The following SLC9A9 variants were observed in gnomAD, a reference collection of about 807,000 sequenced individuals.
SLC9A9 encodes solute carrier family 9 member A9, also known as sodium/hydrogen exchanger 9.
A neutral mutation model predicts 77.8 loss-of-function variants in SLC9A9; 62 were observed. The observed-to-expected ratio is 0.80, with a 90% confidence interval of 0.65 to 0.98. The LOEUF is 0.98. Among genes scored for constraint, SLC9A9 ranks in the 50% least tolerant of loss-of-function variants. The pLI is 0.00. For missense variants in SLC9A9, 775 were observed against 774.9 expected (o/e 1.00, Z 0.00); for synonymous variants, 320 against 283.5 (o/e 1.13, Z -1.29).
intron 9 of SLC9A9, among the ~76,000 whole-genome samples, chr3:143,543,011 A>G (rs538385076): frequency 3.3e-5 from 5 of 152,372 alleles, no homozygotes; most frequent in African/African-American, 1.2e-4. Flanking sequence ...GTCACTTACC[A>G]TGTTTTCTCA....
intron 6 of SLC9A9, among the ~76,000 whole-genome samples, 167 bp downstream of exon 6, chr3:143,652,088 A>G (rs1229560551): frequency 6.6e-6 from 1 of 152,230 alleles, no homozygotes; most frequent in Non-Finnish European, 1.5e-5. Flanking sequence ...TAATAGTATT[A>G]GAAATTAGAT....
At chr3:143,646,428 T>C (rs991200607) in intron 6 of SLC9A9, among the ~76,000 whole-genome samples, 1 of 148,782 alleles carries the variant, frequency 6.7e-6, no homozygotes, top group Admixed American at 6.7e-5. Context: ...TAGATCTTAT[T>C]ATATATTAAA....
chr3:143,664,610 G>A (rs574594334), intron 5 of SLC9A9, among the ~76,000 whole-genome samples: 3 of 152,268 alleles, frequency 2.0e-5, no homozygotes, highest in Admixed American at 2.0e-4. Flanking sequence ...ACACACATAG[G>A]CTCAAAATAA....
intron 14 of SLC9A9, among the ~76,000 whole-genome samples, chr3:143,330,971 C>T (rs533751299): frequency 1.3e-5 from 2 of 152,284 alleles, no homozygotes; most frequent in African/African-American, 2.4e-5. Context: ...CACAAGGAAT[C>T]GAGAAATCTT....
chr3:143,677,107 C>T (rs994589730), intron 5 of SLC9A9, among the ~76,000 whole-genome samples: 2 of 152,094 alleles, frequency 1.3e-5, no homozygotes, highest in East Asian at 3.9e-4. Flanking sequence ...ACTCACAAAC[C>T]AAATATTTTT....
chr3:143,707,870 T>G (rs1934028141), intron 4 of SLC9A9, among the ~76,000 whole-genome samples: 1 of 152,046 alleles, frequency 6.6e-6, no homozygotes, highest in African/African-American at 2.4e-5. Context: ...CCTGAGACAT[T>G]TAGAACAAAG....
chr3:143,548,101 T>C (rs868818324), intron 9 of SLC9A9, among the ~76,000 whole-genome samples: 17 of 152,362 alleles, frequency 1.1e-4, no homozygotes, highest in South Asian at 2.1e-4. Flanking sequence ...ATTATTTACA[T>C]TCATTTCATC....
intron 9 of SLC9A9, among the ~76,000 whole-genome samples, chr3:143,509,662 T>C (rs1418937262): frequency 6.6e-6 from 1 of 152,188 alleles, no homozygotes; most frequent in Non-Finnish European, 1.5e-5. Context: ...TGGTTTGGGG[T>C]CAATTTTGTT....
chr3:143,676,515 G>T (rs1932894468), intron 5 of SLC9A9, among the ~76,000 whole-genome samples: 1 of 152,080 alleles, frequency 6.6e-6, no homozygotes. Flanking sequence ...GAGGAGGGCG[G>T]ATCATGAGGT....
chr3:143,355,789 G>A (rs141145662), intron 14 of SLC9A9, among the ~76,000 whole-genome samples: 136 of 152,300 alleles, frequency 8.9e-4, no homozygotes, highest in Middle Eastern at 3.4e-3. Context: ...ATAAATTGAT[G>A]AGGAAAGTCT....
At chr3:143,795,544 A>T (rs563074823) in intron 3 of SLC9A9, among the ~76,000 whole-genome samples, 81 of 152,292 alleles carry the variant, frequency 5.3e-4, no homozygotes, top group African/African-American at 1.9e-3. Context: ...TCTCTTTTAT[A>T]TCTTCTGAAT....
intron 4 of SLC9A9, among the ~76,000 whole-genome samples, chr3:143,702,942 A>C (rs1933846819): frequency 6.6e-6 from 1 of 152,190 alleles, no homozygotes; most frequent in Non-Finnish European, 1.5e-5. Flanking sequence ...ATTTCAGATA[A>C]ACTAGATTTC....
chr3:143,530,119 T>G (rs1209181895), intron 9 of SLC9A9, among the ~76,000 whole-genome samples: 1 of 152,198 alleles, frequency 6.6e-6, no homozygotes, highest in Non-Finnish European at 1.5e-5. Context: ...GCTTTGAGTT[T>G]AGAGGGCTGT....
chr3:143,716,838 C>A (rs937515179), intron 4 of SLC9A9, among the ~76,000 whole-genome samples: 10 of 152,160 alleles, frequency 6.6e-5, no homozygotes, highest in Admixed American at 1.3e-4. Context: ...AGGATGGTAC[C>A]AATGCCGTTT....
intron 4 of SLC9A9, among the ~76,000 whole-genome samples, chr3:143,779,026 T>C (rs902254983): frequency 6.6e-6 from 1 of 152,238 alleles, no homozygotes; most frequent in Non-Finnish European, 1.5e-5. Context: ...CTAAACAATT[T>C]CACTGGATTT....
intron 14 of SLC9A9, among the ~76,000 whole-genome samples, chr3:143,320,194 T>A (rs1357394051): frequency 6.6e-6 from 1 of 152,254 alleles, no homozygotes; most frequent in Non-Finnish European, 1.5e-5. Flanking sequence ...AGGCCCTTCA[T>A]CCATCTTACT....
At chr3:143,741,970 C>T (rs902150998) in intron 4 of SLC9A9, among the ~76,000 whole-genome samples, 2 of 152,004 alleles carry the variant, frequency 1.3e-5, no homozygotes, top group African/African-American at 2.4e-5. Context: ...CTCCTTCTTG[C>T]CTGGAGACTA....
At chr3:143,531,985 G>A (rs1446497489) in intron 9 of SLC9A9, among the ~76,000 whole-genome samples, 3 of 152,196 alleles carry the variant, frequency 2.0e-5, no homozygotes, top group Non-Finnish European at 4.4e-5. Context: ...ACAACTGATT[G>A]AATGCAGAAG....
intron 1 of SLC9A9, among the ~76,000 whole-genome samples, chr3:143,836,432 A>G (rs903599603): frequency 2.0e-5 from 3 of 152,140 alleles, no homozygotes; most frequent in Non-Finnish European, 2.9e-5. Flanking sequence ...AGTCAAGAAG[A>G]AAAGGTCCTC....
Sources: allele counts gnomAD v4.1 joint callset (sites outside exome capture counted in the v4.1 genomes callset), GRCh38; gene constraint gnomAD v4.1.1; transcripts MANE v1.5; gene names NCBI Gene and HGNC (gene_info 2026-07-23, HGNC 2026-07-21).